DYRK1A: variants seen among roughly 807,000 people sequenced by gnomAD.
DYRK1A encodes the protein dual specificity tyrosine phosphorylation regulated kinase 1A, also known as dual specificity tyrosine-phosphorylation-regulated kinase 1A.
Under a neutral mutation model 79.7 loss-of-function variants are expected in DYRK1A, and 9 were observed. The ratio of observed to expected loss-of-function variants is 0.11; its 90% CI spans 0.07 to 0.20. The LOEUF is 0.20. Among genes scored for constraint, DYRK1A ranks in the 10% least tolerant of loss-of-function variants. The probability of loss-of-function intolerance (pLI) is 1.00; values close to 1 mark genes in which losing one functional copy is unlikely to be tolerated. For missense variants in DYRK1A, 622 were observed against 956.0 expected (o/e 0.65, Z 4.61); for synonymous variants, 349 against 329.7 (o/e 1.06, Z -0.63).
At chr21:37,462,816 A>G (rs2051887370) in intron 2 of DYRK1A, among the ~76,000 whole-genome samples, 1 of 152,146 alleles carries the variant, frequency 6.6e-6, no homozygotes, top group African/African-American at 2.4e-5. Flanking sequence ...TGTAGGGCTC[A>G]CCAAGAGTGA....
chr21:37,485,657 T>G (rs797011895), intron 5 of DYRK1A, among the ~76,000 whole-genome samples: 1 of 152,216 alleles, frequency 6.6e-6, no homozygotes, highest in Non-Finnish European at 1.5e-5. Context: ...TAACTTCTAT[T>G]TTATTAGTTG....
chr21:37,417,529 C>CTTTTTTTTTTTTTTTTT (rs3216074), intron 1 of DYRK1A, among the ~76,000 whole-genome samples: 1 of 44,070 alleles, frequency 2.3e-5, no homozygotes, highest in African/African-American at 1.0e-4. Flanking sequence ...TTTTCTTTTT[C>CTTTTTTTTTTTTTTTTT]TTTTTTTTTT....
intron 1 of DYRK1A, among the ~76,000 whole-genome samples, chr21:37,370,052 T>TA (rs1050318556): frequency 2.0e-5 from 3 of 152,244 alleles, no homozygotes; most frequent in Non-Finnish European, 2.9e-5. Flanking sequence ...TCCTTCGTGT[T>TA]ACTTATGGAG....
intron 1 of DYRK1A, among the ~76,000 whole-genome samples, chr21:37,368,750 C>T (rs1208542829): frequency 6.6e-6 from 1 of 152,162 alleles, no homozygotes; most frequent in Non-Finnish European, 1.5e-5. Context: ...CTCCAGGAGC[C>T]AGAAGGCTGT....
At chr21:37,480,938 C>A in intron 5 of DYRK1A, 112 bp downstream of exon 5, 1 of 788,228 alleles carries the variant, frequency 1.3e-6, no homozygotes, top group Non-Finnish European at 2.0e-6. Flanking sequence ...AAATAGAGCT[C>A]AGCAATGGAT....
chr21:37,404,223 A>G (rs1320278988), intron 1 of DYRK1A, among the ~76,000 whole-genome samples: 1 of 152,210 alleles, frequency 6.6e-6, no homozygotes, highest in Non-Finnish European at 1.5e-5. Context: ...GAGGCTGAGC[A>G]GTCATAAGAT....
At chr21:37,468,260 C>T (rs183287110) in intron 2 of DYRK1A, among the ~76,000 whole-genome samples, 3 of 151,920 alleles carry the variant, frequency 2.0e-5, no homozygotes, top group African/African-American at 7.2e-5. Context: ...TACAGGTGTG[C>T]GTCACCATGC....
intron 2 of DYRK1A, among the ~76,000 whole-genome samples, chr21:37,450,862 A>G (rs2051424084): frequency 6.6e-6 from 1 of 152,200 alleles, no homozygotes; most frequent in South Asian, 2.1e-4. Context: ...AGCAGGCAGC[A>G]TGCTTGCTGT....
chr21:37,492,543 A>G (rs1049865247), intron 7 of DYRK1A, among the ~76,000 whole-genome samples: 1 of 152,194 alleles, frequency 6.6e-6, no homozygotes, highest in Non-Finnish European at 1.5e-5. Context: ...CAGCAAGAGT[A>G]CAAATATCTG....
chr21:37,441,845 C>T (rs968692453), intron 2 of DYRK1A, among the ~76,000 whole-genome samples: 3 of 151,954 alleles, frequency 2.0e-5, no homozygotes, highest in Non-Finnish European at 4.4e-5. Flanking sequence ...GTCCATATTT[C>T]CATCTAGTTT....
chr21:37,478,288 G>A lies in DYRK1A; in HGVS notation c.288G>A (p.Lys96=), dbSNP rs777655198. 8.7e-6 allele frequency: 14 copies of A among 1,613,458 alleles called. No individual in the cohort carries two copies. The highest frequency in any genetic ancestry group is 6.6e-5 in the South Asian group (6 of 91,050). The change falls in exon 4 of 12, where the codon AAG becomes AAA. Residue 96 remains lysine, a synonymous_variant. Coordinates refer to ENST00000647188, the MANE Select transcript of DYRK1A (RefSeq NM_001347721.2). ...KLSVDLIKTY[K]HINEVYYAKK... ...CTGTTGACTTGATCAAAACATACAA[G>A]CATATTAATGAGGTAAGACTTGATT... is the stretch of plus-strand genomic sequence containing the variant.
intron 9 of DYRK1A, chr21:37,503,187 A>G (rs896787595): frequency 1.3e-4 from 20 of 152,178 alleles, no homozygotes; most frequent in African/African-American, 4.6e-4. Flanking sequence ...GAAAATCCTC[A>G]GATACAGTCT....
Position 37,372,697 on chromosome 21 carries a change from A to G in DYRK1A, c.-77+5069A>G, listed in dbSNP as rs558237309. 2.4e-4 allele frequency among the ~76,000 whole-genome samples: 36 copies of G among 152,264 alleles called. No individual in the cohort carries two copies. In the South Asian group the frequency reaches 5.2e-3, roughly 22 times the overall value. Reference sequence around the variant, plus strand: ...GAGGTTGATAGTAATTAGCATAGGAATCTTGTGAAAATTGAGATAATGCAT... The same window carrying G: ...GAGGTTGATAGTAATTAGCATAGGAGTCTTGTGAAAATTGAGATAATGCAT... On this transcript the variant is annotated intron_variant, in intron 1 of 11. Transcript: ENST00000647188.
intron 11 of DYRK1A, among the ~76,000 whole-genome samples, chr21:37,508,182 T>C (rs2053650987): frequency 6.6e-6 from 1 of 152,212 alleles, no homozygotes; most frequent in Non-Finnish European, 1.5e-5. Context: ...TTATGACTTG[T>C]CTTATTAGAA....
intron 7 of DYRK1A, 56 bp downstream of exon 7, chr21:37,490,517 G>A: frequency 6.5e-7 from 1 of 1,527,664 alleles, no homozygotes; most frequent in South Asian, 1.3e-5. Context: ...AAGTAGGTAG[G>A]ACAGTGTAGG....
At chr21:37,372,448 CAAA>C (rs60876813) in intron 1 of DYRK1A, among the ~76,000 whole-genome samples, 3 of 117,200 alleles carry the variant, frequency 2.6e-5, no homozygotes, top group Non-Finnish European at 1.9e-5. Flanking sequence ...AGCACTGTCT[CAAA>C]AAAAAAAAAA....
rs117994402 is a variant in DYRK1A, at chr21:37,492,219, G to C, written c.925-798G>C. On this transcript the variant is annotated intron_variant, in intron 7 of 11. Coordinates refer to ENST00000647188, the MANE Select transcript of DYRK1A (RefSeq NM_001347721.2). ...GGTTGACCTACCTGTGGAGGCCTGA[G>C]ATTGTTCTCGAAGACTTGGCTGGAG... 3.2e-3 allele frequency among the ~76,000 whole-genome samples: 491 copies of C among 152,344 alleles called. 3 individuals are homozygous for C. The highest frequency in any genetic ancestry group is 9.7e-3 in the Admixed American group (148 of 15,306).
intron 2 of DYRK1A, among the ~76,000 whole-genome samples, chr21:37,421,350 A>G (rs2050470180): frequency 6.6e-6 from 1 of 152,106 alleles, no homozygotes; most frequent in South Asian, 2.1e-4. Flanking sequence ...GGGAAAAATC[A>G]TCATTTTATG....
chr21:37,378,266 C>A lies in DYRK1A; in HGVS notation c.-77+10638C>A, dbSNP rs138221097. Among the ~76,000 whole-genome samples the A allele has an allele frequency of 1.4e-3, 219 of 152,342 alleles. 2 individuals carry two copies. Among genetic ancestry groups the A allele is most frequent in the Non-Finnish European group, 2.3e-3 (159 of 68,038 alleles). ...ATTTCCTGGGGGCCAGGCATGGTTT[C>A]TCACACCTGTAATCCCAGCAATTTG... On this transcript the variant is annotated intron_variant, in intron 1 of 11. Coordinates refer to ENST00000647188, the MANE Select transcript of DYRK1A (RefSeq NM_001347721.2).
Sources: gnomAD v4.1 joint callset for allele counts (sites outside exome capture counted in the v4.1 genomes callset) on GRCh38, gnomAD v4.1.1 for gene constraint, MANE v1.5 for transcripts, NCBI Gene and HGNC (gene_info 2026-07-23, HGNC 2026-07-21) for gene names.